Variants in TESC observed in about 807,000 individuals in gnomAD.
TESC encodes the protein tescalcin.
Under a neutral mutation model 31.0 loss-of-function variants are expected in TESC, and 19 were observed. The ratio of observed to expected loss-of-function variants is 0.61; its 90% CI spans 0.43 to 0.90. The LOEUF (loss-of-function observed/expected upper bound fraction) is 0.90, where lower values mean the gene tolerates loss of function less well. TESC is among the 40% of genes least tolerant of loss of function. TESC has a pLI of 0.00. For missense variants in TESC, 248 were observed against 303.8 expected, an observed-to-expected ratio of 0.82 and a Z score of 1.36; for synonymous variants, 109 against 114.8, an observed-to-expected ratio of 0.95 and a Z score of 0.32.
chr12:117,077,597 G>C (rs1416399849), intron 1 of TESC, among the ~76,000 whole-genome samples: 1 of 152,234 alleles, frequency 6.6e-6, no homozygotes, highest in Non-Finnish European at 1.5e-5. Context: ...CAGTGAAAAT[G>C]AACAATATAG....
chr12:117,056,704 C>A (rs1954729295), intron 3 of TESC, 102 bp downstream of exon 3: 3 of 1,326,000 alleles, frequency 2.3e-6, no homozygotes, highest in Non-Finnish European at 3.2e-6. Context: ...GCCCCCTCTT[C>A]TGGGCATCAG....
At chr12:117,053,376 G>A (rs1380251283) in intron 3 of TESC, among the ~76,000 whole-genome samples, 1 of 152,196 alleles carries the variant, frequency 6.6e-6, no homozygotes, top group Non-Finnish European at 1.5e-5. Context: ...GGCTGTTCAT[G>A]GAAAACAGCC....
In TESC at chr12:117,041,998, G is replaced by A. The variant is rs920428903; in HGVS notation, c.520-4C>T. The A allele has an allele frequency of 4.4e-6, 7 of 1,593,008 alleles. No individual in the cohort carries two copies. The African/African-American group carries it at 9.4e-5, about 21-fold the overall frequency. On this transcript the variant is annotated splice_region_variant and splice_polypyrimidine_tract_variant and intron_variant, in intron 6 of 7. Coordinates refer to ENST00000335209, the MANE Select transcript of TESC (RefSeq NM_017899.4). The stretch of plus-strand genomic sequence containing the variant: ...CCTCGTACACCTGATCAGGCTCCTG[G>A]GGACGGAAGCACAGGGTGGACAGTG...
intron 3 of TESC, among the ~76,000 whole-genome samples, chr12:117,055,359 T>TGAAA (rs1171340635): frequency 1.3e-5 from 2 of 152,136 alleles, no homozygotes; most frequent in African/African-American, 4.8e-5. Flanking sequence ...ACCTGGCTGG[T>TGAAA]CTCAAGCTCC....
chr12:117,095,027 A>G (rs1408528615), intron 1 of TESC, among the ~76,000 whole-genome samples: 3 of 151,596 alleles, frequency 2.0e-5, no homozygotes, highest in Non-Finnish European at 4.4e-5. Flanking sequence ...AAAAAAAAAA[A>G]AAAAGAGAGA....
At chr12:117,044,320 C>T (rs1368982499) in intron 6 of TESC, among the ~76,000 whole-genome samples, 1 of 152,172 alleles carries the variant, frequency 6.6e-6, no homozygotes, top group Non-Finnish European at 1.5e-5. Flanking sequence ...CAGCAGTTCT[C>T]GGCTAGCCTG....
At chr12:117,074,642 G>A (rs372872356) in intron 2 of TESC, among the ~76,000 whole-genome samples, 103 of 152,198 alleles carry the variant, frequency 6.8e-4, no homozygotes, top group Middle Eastern at 3.4e-3. Context: ...TTGTGTGCCC[G>A]GCAGTTGGAA....
intron 2 of TESC, among the ~76,000 whole-genome samples, chr12:117,068,397 G>A (rs1036764765): frequency 2.6e-5 from 4 of 152,126 alleles, no homozygotes; most frequent in African/African-American, 9.7e-5. Context: ...AGGTGTGGAG[G>A]TGGGTGCCAT....
At position 117,040,761 on chromosome 12, in the gene TESC, A is replaced by C. The variant is rs1277461648; in HGVS notation, c.567+1186T>G. ...CAGTCTCCTTTCAGCCTTTCATCAC[A>C]GCCAGGCCCTGCTGCCTGCCTCTCC... On this transcript the variant is annotated intron_variant, in intron 7 of 7. Transcript: ENST00000335209. 2.6e-5 allele frequency among the ~76,000 whole-genome samples: 4 copies of C among 152,216 alleles called. No individual in the cohort carries two copies. In the East Asian group the frequency reaches 7.7e-4, roughly 29 times the overall value.
intron 3 of TESC, among the ~76,000 whole-genome samples, chr12:117,051,892 G>C (rs909952481): frequency 6.6e-6 from 1 of 152,130 alleles, no homozygotes; most frequent in Admixed American, 6.5e-5. Context: ...AGAGCACCTG[G>C]AACCAGCCCC....
chr12:117,091,010 G>C (rs1955299041), intron 1 of TESC, among the ~76,000 whole-genome samples: 1 of 152,198 alleles, frequency 6.6e-6, no homozygotes. Context: ...TAACCTGCCA[G>C]GGAGCAGTGC....
chr12:117,080,598 C>G (rs921894629), intron 1 of TESC, among the ~76,000 whole-genome samples: 2 of 152,246 alleles, frequency 1.3e-5, no homozygotes, highest in African/African-American at 4.8e-5. Flanking sequence ...AAGGGCTCAG[C>G]TCACAGCTCA....
chr12:117,074,068 T>A (rs973140263), intron 2 of TESC, among the ~76,000 whole-genome samples: 1 of 151,252 alleles, frequency 6.6e-6, no homozygotes, highest in Non-Finnish European at 1.5e-5. Flanking sequence ...CTACAAAAAC[T>A]TTAAAAAATT....
chr12:117,046,132 A>G (rs1428871468), intron 6 of TESC, among the ~76,000 whole-genome samples: 1 of 151,888 alleles, frequency 6.6e-6, no homozygotes, highest in Non-Finnish European at 1.5e-5. Flanking sequence ...GTCAGCCCCC[A>G]ATAGGGCTCC....
intron 7 of TESC, among the ~76,000 whole-genome samples, chr12:117,040,899 G>A (rs1273456460): frequency 2.0e-5 from 3 of 152,206 alleles, no homozygotes; most frequent in Non-Finnish European, 4.4e-5. Context: ...GCCAGAAGCC[G>A]TGATCCTTCC....
intron 2 of TESC, among the ~76,000 whole-genome samples, chr12:117,061,667 C>T (rs1409972876): frequency 6.6e-6 from 1 of 152,054 alleles, no homozygotes; most frequent in African/African-American, 2.4e-5. Flanking sequence ...CTCTCTCTCT[C>T]CATAGGCACC....
chr12:117,048,237 T>C (rs1340686918), intron 4 of TESC, among the ~76,000 whole-genome samples: 1 of 152,214 alleles, frequency 6.6e-6, no homozygotes, highest in Non-Finnish European at 1.5e-5. Flanking sequence ...GATTTGGACC[T>C]GAGTCCGTCC....
At chr12:117,083,007 C>T (rs1194489048) in intron 1 of TESC, among the ~76,000 whole-genome samples, 1 of 151,582 alleles carries the variant, frequency 6.6e-6, no homozygotes, top group African/African-American at 2.4e-5. Context: ...AATGGTACAA[C>T]CACCGTGGAA....
intron 2 of TESC, among the ~76,000 whole-genome samples, chr12:117,060,715 T>C (rs976538798): frequency 6.6e-6 from 1 of 152,106 alleles, no homozygotes; most frequent in South Asian, 2.1e-4. Flanking sequence ...AGTGGGGGCA[T>C]GGAAGAGTCA....
Sources: allele counts gnomAD v4.1 joint callset (sites outside exome capture counted in the v4.1 genomes callset), GRCh38; gene constraint gnomAD v4.1.1; transcripts MANE v1.5; gene names NCBI Gene and HGNC (gene_info 2026-07-23, HGNC 2026-07-21).